Variants in C1QTNF3 observed in about 807,000 individuals in gnomAD.
C1QTNF3 encodes the protein C1q and TNF related 3.
Under a neutral mutation model 32.6 loss-of-function variants are expected in C1QTNF3, and 26 were observed. That is an observed-to-expected ratio of 0.80 (90% CI 0.58 to 1.11). The LOEUF is 1.11. C1QTNF3 is among the 50% of genes least tolerant of loss of function. The pLI, the probability that C1QTNF3 is intolerant of heterozygous loss-of-function variation, is 0.00. For synonymous variants in C1QTNF3, 155 were observed against 146.0 expected, an observed-to-expected ratio of 1.06 and a Z score of -0.44; for missense variants, 362 against 398.2, an observed-to-expected ratio of 0.91 and a Z score of 0.77.
At chr5:34,038,042 T>C (rs919901144) in intron 1 of C1QTNF3, among the ~76,000 whole-genome samples, 9 of 152,200 alleles carry the variant, frequency 5.9e-5, no homozygotes, top group African/African-American at 1.7e-4. Context: ...CTTAGGAATG[T>C]TGAAACACCC....
upstream of C1QTNF3, among the ~76,000 whole-genome samples, chr5:34,044,157 G>A (rs1014582440): frequency 1.3e-5 from 2 of 152,114 alleles, no homozygotes; most frequent in Non-Finnish European, 2.9e-5. Context: ...CAGATTAAGA[G>A]GATTCTCATG....
the C1QTNF3 span, among the ~76,000 whole-genome samples, chr5:34,208,313 T>C: frequency 6.6e-6 from 1 of 152,232 alleles, no homozygotes; most frequent in African/African-American, 2.4e-5. Flanking sequence ...TTATATTTTC[T>C]CCTTTTAAAA....
At chr5:34,039,213 C>A (rs996938872) in intron 1 of C1QTNF3, among the ~76,000 whole-genome samples, 2 of 152,110 alleles carry the variant, frequency 1.3e-5, no homozygotes, top group African/African-American at 2.4e-5. Context: ...GTGGACAACC[C>A]ACCCCAAGGG....
chr5:34,241,930 C>CGGAAGGGA, the C1QTNF3 span, among the ~76,000 whole-genome samples: 4 of 66,114 alleles, frequency 6.1e-5, no homozygotes, highest in Non-Finnish European at 1.3e-4. Flanking sequence ...GAAGGATGGA[C>CGGAAGGGA]GGAAGGGAGG....
At chr5:34,095,778 C>T in the C1QTNF3 span, among the ~76,000 whole-genome samples, 1 of 151,972 alleles carries the variant, frequency 6.6e-6, no homozygotes, top group African/African-American at 2.4e-5. Flanking sequence ...TACCTCTTGG[C>T]TTTTAAGATA....
At chr5:34,161,172 G>A in the C1QTNF3 span, among the ~76,000 whole-genome samples, 9 of 152,226 alleles carry the variant, frequency 5.9e-5, no homozygotes, top group East Asian at 1.9e-4. Flanking sequence ...TATGGCTCTC[G>A]CATTAAGTTC....
At chr5:34,146,028 T>A in the C1QTNF3 span, among the ~76,000 whole-genome samples, 6 of 152,284 alleles carry the variant, frequency 3.9e-5, no homozygotes, top group African/African-American at 1.4e-4. Flanking sequence ...AAGCCATCTA[T>A]GGTAAACTCA....
chr5:34,032,751 G>A (rs57417778), intron 3 of C1QTNF3, among the ~76,000 whole-genome samples: 5,952 of 152,152 alleles, frequency 0.039, 413 homozygotes, highest in African/African-American at 0.14. Flanking sequence ...AGCCAAGATC[G>A]TGCCACTGTA....
At chr5:34,129,545 T>A in the C1QTNF3 span, among the ~76,000 whole-genome samples, 1 of 152,144 alleles carries the variant, frequency 6.6e-6, no homozygotes, top group African/African-American at 2.4e-5. Context: ...CCAAATTGGA[T>A]GCATATATTA....
the C1QTNF3 span, among the ~76,000 whole-genome samples, chr5:34,230,252 T>C: frequency 2.0e-3 from 307 of 152,268 alleles, no homozygotes; most frequent in African/African-American, 7.1e-3. Flanking sequence ...ACAGAGCCTA[T>C]AGAAGGAATG....
the C1QTNF3 span, among the ~76,000 whole-genome samples, chr5:34,071,808 T>C: frequency 6.6e-6 from 1 of 152,206 alleles, no homozygotes; most frequent in African/African-American, 2.4e-5. Context: ...AAAGAAGATG[T>C]GGGAATGCTG....
the C1QTNF3 span, among the ~76,000 whole-genome samples, chr5:34,115,411 G>A: frequency 1.3e-5 from 2 of 152,022 alleles, no homozygotes; most frequent in Non-Finnish European, 2.9e-5. Flanking sequence ...AGGTGAGGAC[G>A]GACATCTTCC....
At chr5:34,022,897 C>G (rs1265990317) in intron 5 of C1QTNF3, among the ~76,000 whole-genome samples, 1 of 152,084 alleles carries the variant, frequency 6.6e-6, no homozygotes, top group Non-Finnish European at 1.5e-5. Context: ...GCTCTGTCGC[C>G]CAGGCTGGAG....
At chr5:34,032,625 C>T (rs903319946) in intron 3 of C1QTNF3, among the ~76,000 whole-genome samples, 3 of 152,186 alleles carry the variant, frequency 2.0e-5, no homozygotes, top group Non-Finnish European at 2.9e-5. Context: ...GGCAAAAACC[C>T]GTCTGTATTA....
At chr5:34,051,301 T>C in the C1QTNF3 span, among the ~76,000 whole-genome samples, 10 of 152,216 alleles carry the variant, frequency 6.6e-5, no homozygotes, top group Admixed American at 6.5e-4. Flanking sequence ...ATAATAAATT[T>C]TCTATTGTTT....
chr5:34,225,758 T>G, the C1QTNF3 span, among the ~76,000 whole-genome samples: 1 of 151,770 alleles, frequency 6.6e-6, no homozygotes. Context: ...ATTATTTACA[T>G]CACATTATAC....
chr5:34,018,518 G>A lies in C1QTNF3; in HGVS notation c.*2065C>T, dbSNP rs840390. ...AAGAATTGTACTTTAAATGCCATAG[G>A]AGTGCCTGGAATAGCACAGTATCTT... is the stretch of plus-strand genomic sequence containing the variant. On this transcript the variant is annotated 3_prime_UTR_variant, in exon 6 of 6. Transcript: ENST00000382065. Among the ~76,000 whole-genome samples the A allele has an allele frequency of 0.13, 20,015 of 152,156 alleles. 1,326 individuals carry two copies. The highest frequency in any genetic ancestry group is 0.16 in the East Asian group (849 of 5,188).
chr5:34,210,229 G>T, the C1QTNF3 span, among the ~76,000 whole-genome samples: 1 of 152,022 alleles, frequency 6.6e-6, no homozygotes, highest in African/African-American at 2.4e-5. Context: ...AAAGTGATCA[G>T]ATAAGGAAAT....
the C1QTNF3 span, among the ~76,000 whole-genome samples, chr5:34,079,169 A>G: frequency 8.6e-5 from 13 of 151,634 alleles, no homozygotes; most frequent in Admixed American, 5.9e-4. Context: ...CTTTTGATAT[A>G]CAAACTAGGA....
Sources: gnomAD v4.1 joint callset for allele counts (sites outside exome capture counted in the v4.1 genomes callset) on GRCh38, gnomAD v4.1.1 for gene constraint, MANE v1.5 for transcripts, NCBI Gene and HGNC (gene_info 2026-07-23, HGNC 2026-07-21) for gene names.